The following XPO4 variants were observed in gnomAD, a reference collection of about 807,000 sequenced individuals.
XPO4 encodes the protein exportin-4.
A neutral mutation model predicts 143.0 loss-of-function variants in XPO4; 39 were observed. That is an observed-to-expected ratio of 0.27 (90% CI 0.21 to 0.36). XPO4 has a LOEUF of 0.36. XPO4 is among the 10% of genes least tolerant of loss of function. The pLI is 1.00. For synonymous variants in XPO4, 439 were observed against 474.0 expected (o/e 0.93, Z 0.96); for missense variants, 907 against 1,348.0 (o/e 0.67, Z 5.12).
intron 4 of XPO4, 145 bp downstream of exon 4, chr13:20,855,482 G>C: frequency 1.3e-6 from 1 of 769,998 alleles, no homozygotes; most frequent in Non-Finnish European, 1.8e-6. Flanking sequence ...AAAAAGACTA[G>C]AAGAAAACCT....
chr13:20,785,703 G>C (rs1276220099), intron 22 of XPO4, among the ~76,000 whole-genome samples: 1 of 151,788 alleles, frequency 6.6e-6, no homozygotes. Context: ...AGAGCCTCTG[G>C]GGCCAGGCAG....
chr13:20,862,606 G>T, intron 3 of XPO4, 111 bp downstream of exon 3: 2 of 1,353,450 alleles, frequency 1.5e-6, no homozygotes, highest in Non-Finnish European at 1.0e-6. Flanking sequence ...GATTATAGGT[G>T]TGAGCCACTA....
intron 16 of XPO4, among the ~76,000 whole-genome samples, chr13:20,797,961 T>C (rs1291428581): frequency 2.0e-5 from 3 of 152,056 alleles, no homozygotes; most frequent in African/African-American, 4.8e-5. Flanking sequence ...CTGGCCAACA[T>C]GGCAAAACCC....
At chr13:20,880,393 T>C (rs1166990952) in intron 1 of XPO4, among the ~76,000 whole-genome samples, 1 of 151,474 alleles carries the variant, frequency 6.6e-6, no homozygotes, top group African/African-American at 2.4e-5. Flanking sequence ...GATCGCGCCA[T>C]TGCACTCCAG....
intron 1 of XPO4, among the ~76,000 whole-genome samples, chr13:20,896,757 T>C (rs1005897227): frequency 1.3e-5 from 2 of 152,206 alleles, no homozygotes; most frequent in African/African-American, 4.8e-5. Flanking sequence ...CAGAAGGTAT[T>C]AAATAACAGT....
rs745466329 is a variant in XPO4 at position 20,808,409 on chromosome 13, C to G, written c.1639+27G>C. 8 of 1,495,804 alleles carry G rather than the reference C, an allele frequency of 5.3e-6. No individual in the cohort carries two copies. In the African/African-American group the frequency reaches 1.1e-4, roughly 21 times the overall value. The allele number at this position is 1,495,804 out of a possible 1,614,324, so 92.7% of individuals were successfully genotyped here. The stretch of plus-strand genomic sequence containing the variant: ...GCTTAAATTGCTCAGTTGGCAATTA[C>G]ATTTTAAAAAGAAACCACCAACCAA... On this transcript the variant is annotated intron_variant, in intron 12 of 22. Coordinates refer to ENST00000255305, the MANE Select transcript of XPO4 (RefSeq NM_022459.5).
chr13:20,790,738 G>C lies in XPO4; in HGVS notation c.2798-158C>G, dbSNP rs147063306. The stretch of plus-strand genomic sequence containing the variant: ...CCTCGTCCTGCCTGGTCTCTGGTGA[G>C]GGGATGGAGGAGACAGCACATCCAG... On this transcript the variant is annotated intron_variant, in intron 18 of 22. Coordinates refer to ENST00000255305, the MANE Select transcript of XPO4 (RefSeq NM_022459.5). Among the ~76,000 whole-genome samples the C allele has an allele frequency of 2.6e-5, 4 of 152,280 alleles. No individual in the cohort carries two copies. The East Asian group carries it at 7.7e-4, about 29-fold the overall frequency.
intron 15 of XPO4, among the ~76,000 whole-genome samples, 168 bp downstream of exon 15, chr13:20,799,988 A>G (rs181226558): frequency 6.6e-6 from 1 of 152,344 alleles, no homozygotes; most frequent in East Asian, 1.9e-4. Context: ...TGCATTTGTA[A>G]TAGTACTGTG....
chr13:20,853,081 C>T (rs1387888286), intron 4 of XPO4: 3 of 981,996 alleles, frequency 3.1e-6, no homozygotes, highest in Non-Finnish European at 3.6e-6. Flanking sequence ...TCTGTAATCC[C>T]AGCATTTTGG....
At chr13:20,895,918 A>G (rs1246935965) in intron 1 of XPO4, among the ~76,000 whole-genome samples, 1 of 152,200 alleles carries the variant, frequency 6.6e-6, no homozygotes, top group African/African-American at 2.4e-5. Context: ...ACGTTGTTTC[A>G]ATCTTCACTA....
rs143159634 is a variant in XPO4, at chr13:20,784,413, C to T, written c.3259-494G>A. On this transcript the variant is annotated intron_variant, in intron 22 of 22. Transcript: ENST00000255305. ...GACAGGCAGGAGTCTTTTGGGAGGA[C>T]GGGGCGGAGAAATATATTCCAGTGC... Among the ~76,000 whole-genome samples, 127 of 152,276 alleles carry T rather than the reference C, an allele frequency of 8.3e-4. 1 individual carries two copies. Among genetic ancestry groups the T allele is most frequent in the African/African-American group, 3.0e-3 (124 of 41,552 alleles).
intron 4 of XPO4, among the ~76,000 whole-genome samples, chr13:20,854,222 G>A (rs919150456): frequency 4.6e-5 from 7 of 152,156 alleles, no homozygotes; most frequent in Admixed American, 6.5e-5. Flanking sequence ...TACAGATTCC[G>A]TGGGTCTAGA....
chr13:20,785,145 A>G (rs9509374), intron 22 of XPO4, among the ~76,000 whole-genome samples: 126,676 of 152,136 alleles, frequency 0.83, 52,967 homozygotes, highest in East Asian at 1. Flanking sequence ...AAAAATTACA[A>G]GCATGAGCCA....
intron 19 of XPO4, among the ~76,000 whole-genome samples, chr13:20,790,003 T>C (rs139286515): frequency 1.4e-4 from 22 of 152,308 alleles, no homozygotes; most frequent in Middle Eastern, 3.4e-3. Flanking sequence ...AGCATCAGTC[T>C]TGGAAGCATA....
At position 20,811,116 on chromosome 13, in the gene XPO4, G is replaced by C. The variant is rs543719283; in HGVS notation, c.1174-1149C>G. Among the ~76,000 whole-genome samples the C allele has an allele frequency of 6.6e-5, 10 of 152,124 alleles. 1 individual carries two copies. In the South Asian group the frequency reaches 2.1e-3, roughly 32 times the overall value. On this transcript the variant is annotated intron_variant, in intron 9 of 22. Coordinates refer to ENST00000255305, the MANE Select transcript of XPO4 (RefSeq NM_022459.5). ...TGGCATTTATATCGCAGAGAGAGCC[G>C]GTGGACCTGGAGCAGAGAGTGATGG...
At chr13:20,877,928 G>A (rs80258178) in intron 1 of XPO4, among the ~76,000 whole-genome samples, 34 of 152,318 alleles carry the variant, frequency 2.2e-4, no homozygotes, top group African/African-American at 7.5e-4. Context: ...GTTTGGGGAT[G>A]GGCATGGTGG....
chr13:20,891,551 C>T (rs958127681), intron 1 of XPO4, among the ~76,000 whole-genome samples: 3 of 152,042 alleles, frequency 2.0e-5, no homozygotes, highest in African/African-American at 7.2e-5. Flanking sequence ...GTTATTATTT[C>T]TCTATTTTTT....
intron 6 of XPO4, among the ~76,000 whole-genome samples, chr13:20,830,548 T>C (rs1386288258): frequency 6.6e-6 from 1 of 152,168 alleles, no homozygotes; most frequent in African/African-American, 2.4e-5. Flanking sequence ...TATATTATAC[T>C]TTTCATAGGA....
chr13:20,802,495 G>C (rs1330849562), intron 13 of XPO4, among the ~76,000 whole-genome samples: 1 of 152,146 alleles, frequency 6.6e-6, no homozygotes, highest in Non-Finnish European at 1.5e-5. Context: ...ATACATTTAA[G>C]TTGTAGATAT....
Sources: allele counts gnomAD v4.1 joint callset (sites outside exome capture counted in the v4.1 genomes callset), GRCh38; gene constraint gnomAD v4.1.1; transcripts MANE v1.5; gene names NCBI Gene and HGNC (gene_info 2026-07-23, HGNC 2026-07-21).